Variants in RPS6KA2 observed in about 807,000 individuals in gnomAD.
The protein encoded by RPS6KA2 is ribosomal protein S6 kinase A2.
RPS6KA2 carries 42 observed loss-of-function variants against 91.8 expected under a neutral mutation model. That is an observed-to-expected ratio of 0.46 (90% CI 0.36 to 0.59). RPS6KA2 has a LOEUF of 0.59. RPS6KA2 is among the 20% of genes least tolerant of loss of function. RPS6KA2 has a pLI of 0.00. For missense variants in RPS6KA2, 798 were observed against 978.5 expected, an observed-to-expected ratio of 0.82 and a Z score of 2.46; for synonymous variants, 414 against 393.6, an observed-to-expected ratio of 1.05 and a Z score of -0.61.
intron 1 of RPS6KA2, among the ~76,000 whole-genome samples, chr6:166,616,388 C>T (rs908513193): frequency 3.3e-5 from 5 of 150,312 alleles, no homozygotes; most frequent in Non-Finnish European, 7.4e-5. Context: ...GGAGAAATCA[C>T]CACCACCACT....
rs182279426 is a variant in RPS6KA2 at position 166,493,878 on chromosome 6, C to T, written c.748-3137G>A. ...CCAGTCCCGACCTCAACAGTGCTGG[C>T]TGAGAAGCCCTGTCTAAAGGGACAG... On this transcript the variant is annotated intron_variant, in intron 8 of 20. Transcript: ENST00000265678. The surrounding 1 kb of genome is among the most constrained non-coding windows in gnomAD (Gnocchi z 4.7). Among the ~76,000 whole-genome samples, 15 of 152,302 alleles carry T rather than the reference C, an allele frequency of 9.8e-5. No homozygotes were observed. The East Asian group carries it at 2.7e-3, about 27-fold the overall frequency.
chr6:166,846,840 G>A (rs761602084), intron 2 of RPS6KA2, among the ~76,000 whole-genome samples: 20 of 152,094 alleles, frequency 1.3e-4, no homozygotes, highest in Non-Finnish European at 1.8e-4. Flanking sequence ...ATTCAACATA[G>A]TACTGGAAGT....
At chr6:166,693,350 C>T (rs751142477) in intron 2 of RPS6KA2, among the ~76,000 whole-genome samples, 8 of 152,192 alleles carry the variant, frequency 5.3e-5, no homozygotes, top group Admixed American at 2.6e-4. Context: ...TTTTAATATC[C>T]TTAGTTATGT....
rs544385301 is a variant in RPS6KA2, at chr6:166,429,615, T to A, written c.1581+838A>T. On this transcript the variant is annotated intron_variant, in intron 16 of 20. Transcript: ENST00000265678. ...ACAGGTGTGTGCCACCAAGCCTGGC[T>A]AATTTTTGTATTTTCAGTAGAGATG... Among the ~76,000 whole-genome samples the A allele has an allele frequency of 2.0e-5, 3 of 152,146 alleles. No homozygotes were observed. In the South Asian group the frequency reaches 6.3e-4, roughly 32 times the overall value.
intron 14 of RPS6KA2, among the ~76,000 whole-genome samples, chr6:166,432,994 C>CAAAAAAAA (rs397728789): frequency 1.0e-3 from 86 of 82,734 alleles, no homozygotes; most frequent in African/African-American, 3.4e-3. Flanking sequence ...GACTCTGTCT[C>CAAAAAAAA]AAAAAAAAAA....
chr6:166,536,016 C>T (rs890903666), intron 2 of RPS6KA2, among the ~76,000 whole-genome samples: 15 of 152,272 alleles, frequency 9.9e-5, no homozygotes, highest in Non-Finnish European at 1.5e-5. Context: ...GGACAAGTCA[C>T]TCGGATGGCT....
At chr6:166,783,081 T>C (rs1213650244) in intron 2 of RPS6KA2, among the ~76,000 whole-genome samples, 1 of 146,446 alleles carries the variant, frequency 6.8e-6, no homozygotes, top group Non-Finnish European at 1.5e-5. Context: ...ATTATTATTA[T>C]TATTATTATT....
rs1182800429 is a variant in RPS6KA2 at position 166,448,691 on chromosome 6, C to G, written c.1332+33G>C. 3.1e-6 allele frequency: 5 copies of G among 1,591,124 alleles called. No homozygotes were observed. The highest frequency in any genetic ancestry group is 3.4e-6 in the Non-Finnish European group (4 of 1,167,034). On this transcript the variant is annotated intron_variant, in intron 14 of 20. Coordinates refer to ENST00000265678, the MANE Select transcript of RPS6KA2 (RefSeq NM_021135.6). This position sits in a 1 kb window ranked among gnomAD's most constrained non-coding sequence, Gnocchi z 4.7. ...CGTGCTCCCACGCGCTGCACTCACA[C>G]AGGGCCCTGCTCACTCAGCAGGCCT... is the stretch of plus-strand genomic sequence containing the variant.
intron 2 of RPS6KA2, among the ~76,000 whole-genome samples, chr6:166,745,206 C>T (rs1156752780): frequency 7.0e-6 from 1 of 143,452 alleles, no homozygotes; most frequent in Non-Finnish European, 1.5e-5. Flanking sequence ...GGCTGGAGTG[C>T]AGTGGCGCCA....
intron 3 of RPS6KA2, among the ~76,000 whole-genome samples, chr6:166,517,988 G>C (rs1412988268): frequency 1.3e-5 from 2 of 152,170 alleles, no homozygotes; most frequent in African/African-American, 4.8e-5. Flanking sequence ...CTGAGGCTGT[G>C]AGACCCCTGA....
At chr6:166,643,448 A>G (rs992339728) in intron 2 of RPS6KA2, among the ~76,000 whole-genome samples, 1 of 152,246 alleles carries the variant, frequency 6.6e-6, no homozygotes, top group Non-Finnish European at 1.5e-5. Flanking sequence ...AGGATGCAAC[A>G]AGCATTCATA....
intron 1 of RPS6KA2, among the ~76,000 whole-genome samples, chr6:166,575,293 C>T (rs1016416094): frequency 2.0e-5 from 3 of 152,166 alleles, no homozygotes; most frequent in Non-Finnish European, 4.4e-5. Context: ...TATGTGTGAT[C>T]CGGGCTCAGG....
intron 3 of RPS6KA2, among the ~76,000 whole-genome samples, chr6:166,529,028 C>G (rs928812860): frequency 3.3e-5 from 5 of 152,170 alleles, no homozygotes; most frequent in Non-Finnish European, 2.9e-5. Flanking sequence ...CCTCAAGGAT[C>G]TAGAACTAGA....
At chr6:166,483,203 G>A (rs769130611) in intron 10 of RPS6KA2, among the ~76,000 whole-genome samples, 3 of 152,178 alleles carry the variant, frequency 2.0e-5, no homozygotes, top group Non-Finnish European at 2.9e-5. Context: ...GCATGCTGTC[G>A]GAGCTGGAAG....
intron 1 of RPS6KA2, among the ~76,000 whole-genome samples, chr6:166,548,745 TA>T (rs1783905626): frequency 6.6e-6 from 1 of 152,036 alleles, no homozygotes; most frequent in African/African-American, 2.4e-5. Flanking sequence ...GAAGAAAACA[TA>T]GGGGAAAATT....
intron 2 of RPS6KA2, among the ~76,000 whole-genome samples, chr6:166,723,150 G>A (rs576140137): frequency 1.3e-5 from 2 of 152,356 alleles, no homozygotes; most frequent in South Asian, 4.1e-4. Context: ...TGGTGGGAAG[G>A]CTGGGCTGGG....
chr6:166,588,441 T>TG (rs914190990), intron 1 of RPS6KA2, among the ~76,000 whole-genome samples: 4 of 152,044 alleles, frequency 2.6e-5, no homozygotes, highest in Admixed American at 6.5e-5. Context: ...GCACCTGAAC[T>TG]GGGGGTCTTA....
At chr6:166,754,238 CTATTAT>C (rs1263752706) in intron 2 of RPS6KA2, among the ~76,000 whole-genome samples, 1 of 152,210 alleles carries the variant, frequency 6.6e-6, no homozygotes, top group East Asian at 1.9e-4. Flanking sequence ...AACTTAGGCT[CTATTAT>C]TATTCAGGTG....
At position 166,767,558 on chromosome 6, in the gene RPS6KA2, G is replaced by C. The variant is rs1022964096; in HGVS notation, c.123+90642C>G. Among the ~76,000 whole-genome samples, 1 of 152,146 alleles carries C rather than the reference G, an allele frequency of 6.6e-6. No homozygotes were observed. The highest frequency in any genetic ancestry group is 2.4e-5 in the African/African-American group (1 of 41,426). On this transcript the variant is annotated intron_variant, in intron 2 of 21. Transcript: ENST00000503859. The surrounding 1 kb of genome is among the most constrained non-coding windows in gnomAD (Gnocchi z 4.6). ...CCTTCAGACTGCGCTCCACTTGCCA[G>C]CAAGCCTCAAAGGGACCCAGGAAGG...
Sources: gnomAD v4.1 joint callset for allele counts (sites outside exome capture counted in the v4.1 genomes callset) on GRCh38, gnomAD v4.1.1 for gene constraint, Gnocchi (gnomAD v3.1) non-coding constraint, MANE v1.5 for transcripts, NCBI Gene and HGNC (gene_info 2026-07-23, HGNC 2026-07-21) for gene names.